SLFN12L: variants seen among roughly 807,000 people sequenced by gnomAD.
SLFN12L encodes the protein schlafen family member 12 like.
A neutral mutation model predicts 34.8 loss-of-function variants in SLFN12L; 34 were observed. That is an observed-to-expected ratio of 0.98 (90% CI 0.74 to 1.30). SLFN12L has a LOEUF of 1.30. SLFN12L is among the 50% of genes most tolerant of loss of function. The pLI is 0.00. For synonymous variants in SLFN12L, 259 were observed against 247.5 expected, an observed-to-expected ratio of 1.05 and a Z score of -0.44; for missense variants, 703 against 696.2, an observed-to-expected ratio of 1.01 and a Z score of -0.11.
At chr17:35,501,065 A>C (rs1477639422) in intron 2 of SLFN12L, among the ~76,000 whole-genome samples, 1 of 152,144 alleles carries the variant, frequency 6.6e-6, no homozygotes, top group East Asian at 1.9e-4. Context: ...GTCTTGTCCT[A>C]CTACATTGCT....
chr17:35,507,484 C>T (rs1417731234), intron 2 of SLFN12L, among the ~76,000 whole-genome samples: 1 of 152,156 alleles, frequency 6.6e-6, no homozygotes, highest in Non-Finnish European at 1.5e-5. Context: ...TGACAACTTG[C>T]TAGCAGCTGA....
In SLFN12L at chr17:35,467,145, C is replaced by T. The variant is rs1913729252; in HGVS notation, c.*7778G>A. ...GAGGAGGTCACCTCTCCTCCAGACC[C>T]CTTGGTTACCTGGAAAGCTCCTTTG... is the stretch of plus-strand genomic sequence containing the variant. On this transcript the variant is annotated 3_prime_UTR_variant, in exon 5 of 5. Transcript: ENST00000628453. 6.6e-6 allele frequency among the ~76,000 whole-genome samples: 1 copy of T among 152,208 alleles called. No homozygotes were observed. The highest frequency in any genetic ancestry group is 2.4e-5 in the African/African-American group (1 of 41,444).
intron 2 of SLFN12L, among the ~76,000 whole-genome samples, chr17:35,516,277 A>G (rs926110508): frequency 2.0e-5 from 3 of 152,184 alleles, no homozygotes; most frequent in Non-Finnish European, 4.4e-5. Context: ...GGAATCCTCT[A>G]AGATTCTTCA....
chr17:35,488,771 A>C (rs1174991588), intron 2 of SLFN12L, among the ~76,000 whole-genome samples: 1 of 152,166 alleles, frequency 6.6e-6, no homozygotes, highest in Non-Finnish European at 1.5e-5. Context: ...GAGCACATGC[A>C]TTGAAAGTAT....
intron 2 of SLFN12L, chr17:35,490,017 T>C: frequency 6.3e-7 from 1 of 1,596,222 alleles, no homozygotes; most frequent in Non-Finnish European, 8.6e-7. Flanking sequence ...ATCCAGATCC[T>C]CACCACGAAC....
rs555272904 is a variant in SLFN12L, at chr17:35,506,545, C to T, written c.86+15734G>A. On this transcript the variant is annotated intron_variant, in intron 2 of 4. Transcript: ENST00000628453. ...AATTGATGGGGCTGGACTGGATCCT[C>T]GAGTAAATATCGTGGTTTGAGGAGA... Among the ~76,000 whole-genome samples the T allele has an allele frequency of 1.0e-3, 154 of 152,178 alleles. 1 individual carries two copies. Among genetic ancestry groups the T allele is most frequent in the African/African-American group, 3.5e-3 (144 of 41,508 alleles).
chr17:35,498,349 A>G (rs1207105535), intron 2 of SLFN12L: 4 of 1,004,014 alleles, frequency 4.0e-6, no homozygotes, highest in Non-Finnish European at 6.4e-6. Flanking sequence ...TTGGCGGCCA[A>G]TCTCACGGTA....
At chr17:35,530,513 AAAAGAAAAG>A (rs1199045043) in intron 1 of SLFN12L, among the ~76,000 whole-genome samples, 1 of 32,574 alleles carries the variant, frequency 3.1e-5, no homozygotes, top group Non-Finnish European at 7.5e-5. Context: ...AGAAAGAAAG[AAAAGAAAAG>A]AAAAGAAAAG....
At chr17:35,521,777 G>A (rs1411041067) in intron 2 of SLFN12L, among the ~76,000 whole-genome samples, 1 of 152,226 alleles carries the variant, frequency 6.6e-6, no homozygotes, top group Non-Finnish European at 1.5e-5. Flanking sequence ...AGGAAGCTGA[G>A]GTGAGAGGAT....
chr17:35,482,041 T>C (rs754412663), intron 2 of SLFN12L, among the ~76,000 whole-genome samples: 3 of 152,138 alleles, frequency 2.0e-5, no homozygotes, highest in Non-Finnish European at 2.9e-5. Context: ...TTTGTATTTT[T>C]AGTAGAGACA....
At chr17:35,495,763 G>A (rs1439800717) in intron 2 of SLFN12L, among the ~76,000 whole-genome samples, 2 of 146,698 alleles carry the variant, frequency 1.4e-5, no homozygotes, top group Non-Finnish European at 3.0e-5. Context: ...GGATTAGACC[G>A]GGATCTGACA....
chr17:35,525,001 G>T (rs1004550724), intron 1 of SLFN12L, among the ~76,000 whole-genome samples: 1 of 151,970 alleles, frequency 6.6e-6, no homozygotes, highest in Non-Finnish European at 1.5e-5. Context: ...AACCAGTTTA[G>T]AGAAGAATAT....
chr17:35,518,248 C>T (rs1330714717), intron 2 of SLFN12L, among the ~76,000 whole-genome samples: 1 of 152,140 alleles, frequency 6.6e-6, no homozygotes, highest in Non-Finnish European at 1.5e-5. Context: ...TGAACAGACA[C>T]TTCTCAAAAG....
chr17:35,510,527 T>C (rs946749605), intron 2 of SLFN12L, among the ~76,000 whole-genome samples: 1 of 152,162 alleles, frequency 6.6e-6, no homozygotes, highest in Admixed American at 6.5e-5. Context: ...TTATTCCTAT[T>C]ATAGGAAATA....
In SLFN12L at chr17:35,470,997, C is replaced by A. The variant is rs1913798015; in HGVS notation, c.*3926G>T. Reference sequence around the variant, plus strand: ...CCCTGCAAAGGTCATGATCTCATTCCTTTTTATGGCTGCACAGTATTCCAT... The same window carrying A: ...CCCTGCAAAGGTCATGATCTCATTCATTTTTATGGCTGCACAGTATTCCAT... On this transcript the variant is annotated 3_prime_UTR_variant, in exon 5 of 5. Transcript: ENST00000628453. Among the ~76,000 whole-genome samples the A allele has an allele frequency of 6.6e-6, 1 of 152,058 alleles. No homozygotes were observed. The highest frequency in any genetic ancestry group is 2.4e-5 in the African/African-American group (1 of 41,400).
At chr17:35,512,471 T>A (rs1193169223) in intron 2 of SLFN12L, among the ~76,000 whole-genome samples, 1 of 150,194 alleles carries the variant, frequency 6.7e-6, no homozygotes, top group East Asian at 2.0e-4. Context: ...GTTCACACCA[T>A]TCTCCTACCT....
chr17:35,495,944 C>CACAG (rs1915052012), intron 2 of SLFN12L, among the ~76,000 whole-genome samples: 1 of 133,860 alleles, frequency 7.5e-6, no homozygotes, highest in African/African-American at 2.9e-5. Flanking sequence ...CACACACACA[C>CACAG]ACAACAAAAC....
chr17:35,529,570 CATT>C (rs2072370638), intron 1 of SLFN12L, among the ~76,000 whole-genome samples: 1 of 152,112 alleles, frequency 6.6e-6, no homozygotes, highest in Non-Finnish European at 1.5e-5. Flanking sequence ...TGGAAACCAT[CATT>C]CTCAGCAAAC....
At chr17:35,490,911 A>T in intron 2 of SLFN12L, 1 of 809,156 alleles carries the variant, frequency 1.2e-6, no homozygotes, top group Non-Finnish European at 2.2e-6. Context: ...ACAACAAACA[A>T]CCAAGACCCC....
Sources: gnomAD v4.1 joint callset for allele counts (sites outside exome capture counted in the v4.1 genomes callset) on GRCh38, gnomAD v4.1.1 for gene constraint, MANE v1.5 for transcripts, NCBI Gene and HGNC (gene_info 2026-07-23, HGNC 2026-07-21) for gene names.